KLF8: variants seen among roughly 807,000 people sequenced by gnomAD.
The protein encoded by KLF8 is KLF transcription factor 8.
In KLF8, 10 loss-of-function variants were observed where a neutral mutation model predicts 18.2. That is an observed-to-expected ratio of 0.55 (90% CI 0.34 to 0.93). KLF8 has a LOEUF of 0.93. Among genes scored for constraint, KLF8 ranks in the 40% least tolerant of loss-of-function variants. KLF8 has a pLI of 0.02. For missense variants in KLF8, 264 were observed against 277.9 expected, an observed-to-expected ratio of 0.95 and a Z score of 0.36; for synonymous variants, 109 against 97.3, an observed-to-expected ratio of 1.12 and a Z score of -0.71.
chrX:56,041,681 T>TGTG, the KLF8 span, among the ~76,000 whole-genome samples: 2 of 109,230 alleles, frequency 1.8e-5, no homozygotes, highest in African/African-American at 6.7e-5. Flanking sequence ...TTGTTGTTGT[T>TGTG]GTTGTTGTTG....
chrX:55,917,000 T>C, the KLF8 span, among the ~76,000 whole-genome samples: 1 of 112,234 alleles, frequency 8.9e-6, no homozygotes, highest in Admixed American at 9.5e-5. Context: ...CCCTCCAAAA[T>C]GCCAAAGTAA....
At chrX:56,249,873 C>T (rs1225323687) in intron 1 of KLF8, among the ~76,000 whole-genome samples, 4 of 111,295 alleles carry the variant, frequency 3.6e-5, no homozygotes, top group Non-Finnish European at 5.6e-5. Context: ...TAAGTTCACT[C>T]GGGTAAATAT....
chrX:56,039,177 A>G, the KLF8 span, among the ~76,000 whole-genome samples: 1 of 112,041 alleles, frequency 8.9e-6, no homozygotes, highest in Non-Finnish European at 1.9e-5. Flanking sequence ...CATGCTGATG[A>G]TAGTTACTTT....
At chrX:56,279,048 T>A (rs182957622) in intron 5 of KLF8, among the ~76,000 whole-genome samples, 1 of 111,186 alleles carries the variant, frequency 9.0e-6, no homozygotes, top group East Asian at 2.8e-4. Flanking sequence ...GGGTGAGGGG[T>A]GGTGTTGGTG....
chrX:55,946,791 A>G, the KLF8 span, among the ~76,000 whole-genome samples: 1 of 110,968 alleles, frequency 9.0e-6, no homozygotes, highest in East Asian at 2.8e-4. Context: ...AATTTACAAG[A>G]AAAAAACAAA....
chrX:56,265,920 T>C (rs1395349790), intron 3 of KLF8, 176 bp downstream of exon 3: 1 of 1,030,881 alleles, frequency 9.7e-7, no homozygotes, highest in African/African-American at 1.9e-5. Context: ...ACAATGAGTC[T>C]TGATTAGACC....
chrX:56,134,457 G>A, the KLF8 span, among the ~76,000 whole-genome samples: 1 of 111,684 alleles, frequency 9.0e-6, no homozygotes, highest in Non-Finnish European at 1.9e-5. Flanking sequence ...TAATTGGCAA[G>A]CCACATCTAG....
chrX:55,986,060 G>C, the KLF8 span, among the ~76,000 whole-genome samples: 1 of 111,629 alleles, frequency 9.0e-6, no homozygotes, highest in Non-Finnish European at 1.9e-5. Context: ...CGGTTTTCTA[G>C]ATATAGGATC....
chrX:56,154,766 C>T, the KLF8 span, among the ~76,000 whole-genome samples: 1 of 111,521 alleles, frequency 9.0e-6, no homozygotes, highest in East Asian at 2.8e-4. Flanking sequence ...AAGACAAAAA[C>T]AAACAACCCC....
At chrX:56,016,489 A>G in the KLF8 span, among the ~76,000 whole-genome samples, 3 of 111,878 alleles carry the variant, frequency 2.7e-5, no homozygotes, top group African/African-American at 9.8e-5. Flanking sequence ...TTCATTTCCT[A>G]TACCAAATGA....
the KLF8 span, among the ~76,000 whole-genome samples, chrX:55,933,333 A>G: frequency 2.7e-5 from 3 of 112,054 alleles, no homozygotes; most frequent in Non-Finnish European, 5.6e-5. Flanking sequence ...CTCAGAACAA[A>G]CAATTTCTGC....
At chrX:56,167,122 A>AT in the KLF8 span, among the ~76,000 whole-genome samples, 1 of 111,140 alleles carries the variant, frequency 9.0e-6, no homozygotes, top group South Asian at 3.8e-4. Flanking sequence ...ACATTGCTTT[A>AT]TTTTTTCTTT....
At chrX:55,908,746 G>A in the KLF8 span, 1 of 285,448 alleles carries the variant, frequency 3.5e-6, no homozygotes, top group Non-Finnish European at 6.2e-6. Flanking sequence ...CGCCCCGTCG[G>A]CCCAGGCCCC....
At chrX:56,024,013 G>A in the KLF8 span, among the ~76,000 whole-genome samples, 1 of 111,152 alleles carries the variant, frequency 9.0e-6, no homozygotes, top group Non-Finnish European at 1.9e-5. Context: ...TAGATCAGAG[G>A]ATATATACAT....
chrX:56,149,884 C>A, the KLF8 span, among the ~76,000 whole-genome samples: 2 of 110,815 alleles, frequency 1.8e-5, no homozygotes, highest in Admixed American at 1.9e-4. Flanking sequence ...TTCTCTAAGG[C>A]ATAAATACCT....
the KLF8 span, among the ~76,000 whole-genome samples, chrX:56,061,806 G>A: frequency 9.1e-6 from 1 of 110,236 alleles, no homozygotes; most frequent in Non-Finnish European, 1.9e-5. Context: ...AAGTCTCTTT[G>A]TAGGTCTCTA....
At chrX:56,035,232 T>A in the KLF8 span, among the ~76,000 whole-genome samples, 2 of 111,981 alleles carry the variant, frequency 1.8e-5, no homozygotes, top group African/African-American at 6.5e-5. Flanking sequence ...AACCTTCAGT[T>A]CCTAGTTTAT....
the KLF8 span, among the ~76,000 whole-genome samples, chrX:56,077,488 T>C: frequency 5.4e-5 from 6 of 111,918 alleles, no homozygotes; most frequent in African/African-American, 2.0e-4. Flanking sequence ...TCTATTCTGT[T>C]CCATTGATCT....
chrX:56,127,273 C>A, the KLF8 span, among the ~76,000 whole-genome samples: 1 of 111,368 alleles, frequency 9.0e-6, no homozygotes, highest in South Asian at 3.7e-4. Flanking sequence ...TAGTACTGAA[C>A]AAATGAAAAA....
Sources: gnomAD v4.1 joint callset for allele counts (sites outside exome capture counted in the v4.1 genomes callset) on GRCh38, gnomAD v4.1.1 for gene constraint, MANE v1.5 for transcripts, NCBI Gene and HGNC (gene_info 2026-07-23, HGNC 2026-07-21) for gene names.